The following TFEC variants were observed in gnomAD, a reference collection of about 807,000 sequenced individuals.
TFEC encodes the protein transcription factor EC, also known as class E basic helix-loop-helix protein 34.
TFEC carries 31 observed loss-of-function variants against 41.6 expected under a neutral mutation model. The ratio of observed to expected loss-of-function variants is 0.74; its 90% CI spans 0.56 to 1.01. TFEC has a LOEUF of 1.01. TFEC is among the 50% of genes least tolerant of loss of function. TFEC has a pLI of 0.00. For synonymous variants in TFEC, 143 were observed against 140.6 expected, an observed-to-expected ratio of 1.02 and a Z score of -0.12; for missense variants, 402 against 404.1, an observed-to-expected ratio of 0.99 and a Z score of 0.04.
At chr7:116,038,615 G>C (rs989602817) in intron 3 of TFEC, among the ~76,000 whole-genome samples, 3 of 151,980 alleles carry the variant, frequency 2.0e-5, no homozygotes, top group Non-Finnish European at 4.4e-5. Context: ...TCAAACTAGA[G>C]AGCATAAAAG....
chr7:116,110,690 A>C (rs942185988), intron 3 of TFEC: 1 of 1,386,112 alleles, frequency 7.2e-7, no homozygotes, highest in South Asian at 1.8e-5. Context: ...ACGGCTGTAT[A>C]TGTATACAGA....
chr7:115,935,511 G>A lies in TFEC; in HGVS notation c.*5040C>T, dbSNP rs1793185760. 1 of 151,976 alleles carries A rather than the reference G, an allele frequency of 6.6e-6. No individual in the cohort carries two copies. Among genetic ancestry groups the A allele is most frequent in the Admixed American group, 6.6e-5 (1 of 15,212 alleles). The allele number at this position is 151,976 out of a possible 1,614,324, so 9.4% of individuals were successfully genotyped here. On this transcript the variant is annotated 3_prime_UTR_variant, in exon 8 of 8. Coordinates refer to ENST00000265440, the MANE Select transcript of TFEC (RefSeq NM_012252.4). ...GTATGCCATAAGCAACTGCTATGCT[G>A]TTAGATAAGATTCTTGAATTTCGTT...
chr7:116,109,890 C>A (rs1479937214), intron 3 of TFEC, among the ~76,000 whole-genome samples: 1 of 152,090 alleles, frequency 6.6e-6, no homozygotes, highest in African/African-American at 2.4e-5. Flanking sequence ...GAATACTATG[C>A]AGCCATAAAA....
intron 3 of TFEC, among the ~76,000 whole-genome samples, chr7:116,106,372 TTTTGTTTG>T (rs529198352): frequency 0.011 from 1,732 of 152,018 alleles, 35 homozygotes; most frequent in African/African-American, 0.039. Context: ...GTTTTTTGTT[TTTTGTTTG>T]TTTGTTTGTT....
At chr7:115,970,743 C>G (rs1310783842) in intron 3 of TFEC, among the ~76,000 whole-genome samples, 2 of 151,856 alleles carry the variant, frequency 1.3e-5, no homozygotes, top group Non-Finnish European at 2.9e-5. Context: ...TTTAAAAGAG[C>G]ATGGCAACTT....
chr7:115,964,331 T>C (rs950063507), intron 3 of TFEC, among the ~76,000 whole-genome samples: 5 of 151,540 alleles, frequency 3.3e-5, no homozygotes, highest in African/African-American at 7.3e-5. Flanking sequence ...AAGAAATATA[T>C]CATGCCATTT....
intron 3 of TFEC, among the ~76,000 whole-genome samples, chr7:115,970,838 C>T (rs1793100281): frequency 6.6e-6 from 1 of 151,870 alleles, no homozygotes; most frequent in African/African-American, 2.4e-5. Flanking sequence ...TCCTGAGGCC[C>T]TCACCAGAAG....
chr7:115,957,298 C>A (rs1182098647), intron 3 of TFEC, among the ~76,000 whole-genome samples: 1 of 151,836 alleles, frequency 6.6e-6, no homozygotes, highest in East Asian at 1.9e-4. Flanking sequence ...AAATGAGAAA[C>A]TCTTCCCTTC....
intron 1 of TFEC, among the ~76,000 whole-genome samples, chr7:115,988,971 G>GA (rs869288495): frequency 1.3e-5 from 2 of 152,104 alleles, no homozygotes; most frequent in African/African-American, 4.8e-5. Context: ...GATTGAGGGG[G>GA]AAAAAACCCA....
chr7:116,103,534 T>G (rs73462569), intron 3 of TFEC, among the ~76,000 whole-genome samples: 4,330 of 152,244 alleles, frequency 0.028, 222 homozygotes, highest in African/African-American at 0.098. Flanking sequence ...CTTATATCTT[T>G]CACTGAATCT....
upstream of TFEC, among the ~76,000 whole-genome samples, chr7:116,034,825 C>A (rs1795873168): frequency 6.6e-6 from 1 of 151,906 alleles, no homozygotes; most frequent in Admixed American, 6.6e-5. Context: ...CATTCCAATT[C>A]CTTAAAATGG....
At chr7:115,984,747 T>C (rs1371864660) in intron 1 of TFEC, among the ~76,000 whole-genome samples, 1 of 152,142 alleles carries the variant, frequency 6.6e-6, no homozygotes, top group Non-Finnish European at 1.5e-5. Context: ...TTTTTTTAAA[T>C]GAGTAGCCCT....
rs1299532234 is a variant in TFEC, at chr7:116,094,310, G to T, written c.198+16398C>A. ...ATTACTTTTTTCTCATTATGTTTAGGTCTAGACTAGACTTCAGGTTTTAGT... is the reference window on the plus strand; with the variant it reads ...ATTACTTTTTTCTCATTATGTTTAGTTCTAGACTAGACTTCAGGTTTTAGT... On this transcript the variant is annotated intron_variant, in intron 3 of 8. Coordinates refer to the TFEC transcript ENST00000484212. 2.6e-5 allele frequency among the ~76,000 whole-genome samples: 4 copies of T among 152,150 alleles called. No homozygotes were observed. The East Asian group carries it at 7.7e-4, about 29-fold the overall frequency.
At chr7:116,031,561 T>C (rs900039241), upstream of TFEC, among the ~76,000 whole-genome samples, 1 of 152,174 alleles carries the variant, frequency 6.6e-6, no homozygotes, top group Non-Finnish European at 1.5e-5. Flanking sequence ...AACAGTTACA[T>C]GACTTTCTTG....
chr7:116,049,457 C>T (rs1173121429), intron 3 of TFEC, among the ~76,000 whole-genome samples: 2 of 152,178 alleles, frequency 1.3e-5, no homozygotes, highest in African/African-American at 2.4e-5. Context: ...GCACCCAATA[C>T]AAGAGCACCC....
intron 3 of TFEC, among the ~76,000 whole-genome samples, chr7:115,958,405 C>T (rs1028207932): frequency 1.3e-5 from 2 of 151,788 alleles, no homozygotes; most frequent in African/African-American, 4.8e-5. Flanking sequence ...GCTTGAATTG[C>T]ACATTTCCAC....
chr7:116,075,822 C>A (rs1200432610), intron 3 of TFEC, among the ~76,000 whole-genome samples: 3 of 152,136 alleles, frequency 2.0e-5, no homozygotes, highest in South Asian at 2.1e-4. Flanking sequence ...AGGTCATAAT[C>A]TCTTGGGAGC....
rs111402053 is a variant in TFEC at position 116,018,282 on chromosome 7, A to G, written c.-73+12351T>C. 6.6e-3 allele frequency among the ~76,000 whole-genome samples: 1,006 copies of G among 152,328 alleles called. 11 individuals are homozygous for G. The highest frequency in any genetic ancestry group is 0.023 in the African/African-American group (948 of 41,580). The stretch of plus-strand genomic sequence containing the variant: ...ATTTGAATGCAGGAAGTCTGATTCC[A>G]GAGTTCATACTCTTCATCTGCTTTA... On this transcript the variant is annotated intron_variant, in intron 1 of 7. Transcript: ENST00000265440.
rs1210568174 is a variant in TFEC at position 116,150,028 on chromosome 7, T to A, written c.-69+9762A>T. On this transcript the variant is annotated intron_variant, in intron 1 of 8. Coordinates refer to the TFEC transcript ENST00000484212. Reference sequence around the variant, plus strand: ...CAAATATACTTTCTCCTCCCTATCTTGTTTCCCCACCAAGTAAATTCTGAA... The same window carrying A: ...CAAATATACTTTCTCCTCCCTATCTAGTTTCCCCACCAAGTAAATTCTGAA... Among the ~76,000 whole-genome samples the A allele has an allele frequency of 1.8e-4, 28 of 151,776 alleles. No homozygotes were observed. The East Asian group carries it at 5.3e-3, about 29-fold the overall frequency.
Sources: allele counts gnomAD v4.1 joint callset (sites outside exome capture counted in the v4.1 genomes callset), GRCh38; gene constraint gnomAD v4.1.1; transcripts MANE v1.5; gene names NCBI Gene and HGNC (gene_info 2026-07-23, HGNC 2026-07-21).